Variants in ULK4 observed in about 807,000 individuals in gnomAD.
ULK4 encodes inactive serine/threonine-protein kinase ULK4.
In ULK4, 133 loss-of-function variants were observed where a neutral mutation model predicts 160.6. That is an observed-to-expected ratio of 0.83 (90% confidence interval 0.72 to 0.96). ULK4 has a LOEUF of 0.96. Among genes scored for constraint, ULK4 ranks in the 40% least tolerant of loss-of-function variants. ULK4 has a pLI of 0.00. For synonymous variants in ULK4, 534 were observed against 539.8 expected (o/e 0.99, Z 0.15); for missense variants, 1,580 against 1,499.5 (o/e 1.05, Z -0.89).
At chr3:41,789,143 T>G (rs1386817712) in intron 21 of ULK4, among the ~76,000 whole-genome samples, 2 of 152,172 alleles carry the variant, frequency 1.3e-5, no homozygotes. Flanking sequence ...TATACAGTTC[T>G]GTGATACGAA....
At chr3:41,284,429 G>GA (rs1181368557) in intron 35 of ULK4, among the ~76,000 whole-genome samples, 1 of 151,844 alleles carries the variant, frequency 6.6e-6, no homozygotes, top group African/African-American at 2.4e-5. Flanking sequence ...AGAAAACCCA[G>GA]AAAAAAACCC....
At chr3:41,874,194 T>C (rs1173116737) in intron 17 of ULK4, among the ~76,000 whole-genome samples, 3 of 152,156 alleles carry the variant, frequency 2.0e-5, no homozygotes, top group Non-Finnish European at 4.4e-5. Flanking sequence ...AAAGCAATAC[T>C]ACTCAAGCTA....
chr3:41,463,906 T>A (rs888909333), intron 32 of ULK4, among the ~76,000 whole-genome samples: 1 of 151,422 alleles, frequency 6.6e-6, no homozygotes, highest in Non-Finnish European at 1.5e-5. Flanking sequence ...AACCTTTGAA[T>A]TGAAATACAA....
chr3:41,371,305 G>A (rs947740501), intron 35 of ULK4, among the ~76,000 whole-genome samples: 1 of 152,210 alleles, frequency 6.6e-6, no homozygotes, highest in African/African-American at 2.4e-5. Context: ...CTAACAGATG[G>A]TCTGCCTCCT....
At chr3:41,873,751 C>T (rs1398805443) in intron 17 of ULK4, among the ~76,000 whole-genome samples, 2 of 152,030 alleles carry the variant, frequency 1.3e-5, no homozygotes, top group Non-Finnish European at 2.9e-5. Flanking sequence ...TGGAGTTTCA[C>T]CATATTGGTT....
chr3:41,616,651 T>C (rs2032983156), intron 30 of ULK4, among the ~76,000 whole-genome samples: 1 of 152,142 alleles, frequency 6.6e-6, no homozygotes, highest in South Asian at 2.1e-4. Flanking sequence ...GGAGATTCCC[T>C]CGTGTGCCTA....
At chr3:41,514,659 G>C (rs907786689) in intron 32 of ULK4, among the ~76,000 whole-genome samples, 5 of 152,150 alleles carry the variant, frequency 3.3e-5, no homozygotes, top group African/African-American at 1.2e-4. Flanking sequence ...CCATTATCCT[G>C]AGTGAAACAA....
chr3:41,789,634 G>A lies in ULK4; in HGVS notation c.2193+27C>T, dbSNP rs188295455. The A allele has an allele frequency of 4.7e-4, 714 of 1,523,202 alleles. 1 individual carries two copies. In the African/African-American group the frequency reaches 7.7e-3, roughly 16 times the overall value. The allele number at this position is 1,523,202 out of a possible 1,614,324, so 94.4% of individuals were successfully genotyped here. On this transcript the variant is annotated intron_variant, in intron 21 of 36. Coordinates refer to ENST00000301831, the MANE Select transcript of ULK4 (RefSeq NM_017886.4). ...GCAGAAGAAAACAATTTTTAATGTA[G>A]AGTAACAGGTAAAATCTAAGTCAAA...
At chr3:41,553,791 T>C (rs1575404041) in intron 32 of ULK4, among the ~76,000 whole-genome samples, 1 of 151,710 alleles carries the variant, frequency 6.6e-6, no homozygotes, top group African/African-American at 2.4e-5. Context: ...AAATGGGGCA[T>C]CCATCCCATC....
chr3:41,663,631 GTCATCGCGACTAGCAGTT>G lies in ULK4; in HGVS notation c.3029_3046del (p.Lys1010_Met1015del), dbSNP rs1559470515. On this transcript the variant is annotated inframe_deletion, in exon 30 of 37. Transcript: ENST00000301831. ...CCTTGTGAAAGTTGGGTTGTGTTCA[GTCATCGCGACTAGCAGTT>G]TCAGAGCATATGCTGGTACTGGGTC... is the stretch of plus-strand genomic sequence containing the variant. The G allele has an allele frequency of 6.2e-7, 1 of 1,613,988 alleles. No individual in the cohort carries two copies.
At chr3:41,305,280 A>G (rs1300828188) in intron 35 of ULK4, among the ~76,000 whole-genome samples, 1 of 149,280 alleles carries the variant, frequency 6.7e-6, no homozygotes, top group Non-Finnish European at 1.5e-5. Context: ...TCTCATGCTG[A>G]GCCGAAGCTG....
At chr3:41,541,452 C>A (rs78157494) in intron 32 of ULK4, among the ~76,000 whole-genome samples, 77,658 of 151,906 alleles carry the variant, frequency 0.51, 19,954 homozygotes, top group Middle Eastern at 0.57. Flanking sequence ...AGTTTGAAGT[C>A]AGGTAGCATA....
At chr3:41,368,368 A>T (rs1412003484) in intron 35 of ULK4, among the ~76,000 whole-genome samples, 1 of 152,182 alleles carries the variant, frequency 6.6e-6, no homozygotes, top group African/African-American at 2.4e-5. Flanking sequence ...ATTTTTTAAA[A>T]TAACAAATTC....
intron 4 of ULK4, among the ~76,000 whole-genome samples, chr3:41,934,086 A>G (rs1699685072): frequency 6.6e-6 from 1 of 152,158 alleles, no homozygotes; most frequent in South Asian, 2.1e-4. Flanking sequence ...TGGTTTTTAT[A>G]TTTCTAAATG....
At chr3:41,863,046 G>T (rs1329792622) in intron 17 of ULK4, among the ~76,000 whole-genome samples, 1 of 152,228 alleles carries the variant, frequency 6.6e-6, no homozygotes, top group African/African-American at 2.4e-5. Context: ...AGGGCGGCAA[G>T]GTCCCCTAAG....
At chr3:41,861,100 C>G (rs1369029797) in intron 17 of ULK4, among the ~76,000 whole-genome samples, 1 of 150,100 alleles carries the variant, frequency 6.7e-6, no homozygotes, top group Non-Finnish European at 1.5e-5. Context: ...TCTCATTGCA[C>G]TGACCATCTT....
At chr3:41,704,300 T>C (rs965016024) in intron 27 of ULK4, among the ~76,000 whole-genome samples, 2 of 152,098 alleles carry the variant, frequency 1.3e-5, no homozygotes, top group Admixed American at 6.6e-5. Flanking sequence ...AAATCGCCAG[T>C]GCTTCAGTGA....
intron 33 of ULK4, among the ~76,000 whole-genome samples, chr3:41,455,832 AC>A (rs2083537506): frequency 6.6e-6 from 1 of 152,216 alleles, no homozygotes. Context: ...CCTGGACAGC[AC>A]ATAGATAAAG....
rs566457529 is a variant in ULK4 at position 41,813,493 on chromosome 3, G to A, written c.1848+5930C>T. On this transcript the variant is annotated intron_variant, in intron 19 of 36. Transcript: ENST00000301831. The stretch of plus-strand genomic sequence containing the variant: ...TTTGTTCTTCTTTTTGAGAAAGCCA[G>A]TGACAAATAATTTATACATTTAATT... Among the ~76,000 whole-genome samples the A allele has an allele frequency of 2.6e-5, 4 of 152,184 alleles. No homozygotes were observed. In the East Asian group the frequency reaches 7.7e-4, roughly 29 times the overall value.
Sources: allele counts gnomAD v4.1 joint callset (sites outside exome capture counted in the v4.1 genomes callset), GRCh38; gene constraint gnomAD v4.1.1; transcripts MANE v1.5; gene names NCBI Gene and HGNC (gene_info 2026-07-23, HGNC 2026-07-21).